Variants in IGFBPL1 observed in about 807,000 individuals in gnomAD.
IGFBPL1 encodes insulin-like growth factor-binding protein-like 1.
In IGFBPL1, 20 loss-of-function variants were observed where a neutral mutation model predicts 23.9. The ratio of observed to expected loss-of-function variants is 0.84; its 90% CI spans 0.59 to 1.22. The LOEUF (loss-of-function observed/expected upper bound fraction) is 1.22. IGFBPL1 is among the 50% of genes most tolerant of loss of function. IGFBPL1 has a pLI of 0.00. For synonymous variants in IGFBPL1, 184 were observed against 171.8 expected (o/e 1.07, Z -0.56); for missense variants, 436 against 379.3 (o/e 1.15, Z -1.24).
At chr9:38,422,257 C>T (rs924178020) in intron 1 of IGFBPL1, among the ~76,000 whole-genome samples, 1 of 152,220 alleles carries the variant, frequency 6.6e-6, no homozygotes, top group African/African-American at 2.4e-5. Flanking sequence ...CAGTCTCTTT[C>T]TCTGTATAAC....
At chr9:38,419,131 A>G (rs1821638572) in intron 1 of IGFBPL1, among the ~76,000 whole-genome samples, 1 of 152,092 alleles carries the variant, frequency 6.6e-6, no homozygotes, top group African/African-American at 2.4e-5. Flanking sequence ...GATGGCTGGA[A>G]TGAAAAAATC....
chr9:38,414,644 T>C (rs573222846), intron 1 of IGFBPL1, among the ~76,000 whole-genome samples: 2 of 152,090 alleles, frequency 1.3e-5, no homozygotes, highest in African/African-American at 2.4e-5. Context: ...TGGAGGGTGT[T>C]AGGAAGAAGA....
chr9:38,412,441 A>C (rs1441151344), intron 3 of IGFBPL1, among the ~76,000 whole-genome samples: 1 of 152,150 alleles, frequency 6.6e-6, no homozygotes, highest in African/African-American at 2.4e-5. Flanking sequence ...TCCTCATTCC[A>C]TCACTCTTTC....
chr9:38,420,698 G>A (rs999878564), intron 1 of IGFBPL1, among the ~76,000 whole-genome samples: 9 of 152,134 alleles, frequency 5.9e-5, no homozygotes, highest in East Asian at 1.9e-4. Flanking sequence ...TTAGCCAGGC[G>A]TGGTGGTGGG....
intron 4 of IGFBPL1, among the ~76,000 whole-genome samples, chr9:38,409,936 C>T (rs1195365641): frequency 6.6e-6 from 1 of 152,120 alleles, no homozygotes; most frequent in Non-Finnish European, 1.5e-5. Context: ...TCCCTTACAT[C>T]GCACTCCTTG....
chr9:38,409,182 C>G lies in IGFBPL1; in HGVS notation c.*45G>C, dbSNP rs923307351. The stretch of plus-strand genomic sequence containing the variant: ...TGAAGCACAAAGATCCGTTATTTGA[C>G]TTTTCCATCATCCCATGATCAATGT... On this transcript the variant is annotated 3_prime_UTR_variant, in exon 5 of 5. Transcript: ENST00000377694. The G allele has an allele frequency of 1.3e-4, 20 of 152,196 alleles. No individual in the cohort carries two copies. Among genetic ancestry groups the G allele is most frequent in the African/African-American group, 4.6e-4 (19 of 41,456 alleles). 9.4% of individuals were successfully genotyped at this position (152,196 alleles called of 1,614,324 possible).
At chr9:38,413,440 T>C (rs771853553) in intron 2 of IGFBPL1, 87 bp from the exon 3 acceptor site, 12 of 792,900 alleles carry the variant, frequency 1.5e-5, no homozygotes, top group Non-Finnish European at 2.6e-5. Context: ...CCCTCCTCCT[T>C]CCTCCTCCTC....
At chr9:38,421,879 G>T (rs538110291) in intron 1 of IGFBPL1, among the ~76,000 whole-genome samples, 1 of 152,294 alleles carries the variant, frequency 6.6e-6, no homozygotes, top group African/African-American at 2.4e-5. Context: ...GCGGAAGAAG[G>T]GCTGAACCCC....
intron 4 of IGFBPL1, 52 bp downstream of exon 4, chr9:38,411,339 A>C: frequency 6.7e-7 from 1 of 1,498,420 alleles, no homozygotes; most frequent in Non-Finnish European, 9.1e-7. Flanking sequence ...AAGCCACCTC[A>C]AATATCTCAT....
chr9:38,422,686 A>C (rs961300026), intron 1 of IGFBPL1, among the ~76,000 whole-genome samples: 2 of 152,092 alleles, frequency 1.3e-5, no homozygotes, highest in Non-Finnish European at 2.9e-5. Flanking sequence ...CTCCATGGGG[A>C]GCTTCAGCTA....
intron 4 of IGFBPL1, among the ~76,000 whole-genome samples, chr9:38,410,343 T>C (rs943511370): frequency 2.6e-5 from 4 of 151,648 alleles, no homozygotes; most frequent in Admixed American, 6.6e-5. Flanking sequence ...ATTAGCCAGG[T>C]GTGGTGGCGG....
rs975115074 is a variant in IGFBPL1 at position 38,413,318 on chromosome 9, C to T, written c.606G>A (p.Glu202=). 6.2e-7 allele frequency: 1 copy of T among 1,613,798 alleles called. No homozygotes were observed. Among genetic ancestry groups the T allele is most frequent in the African/African-American group, 1.3e-5 (1 of 74,924 alleles). Residue 202 remains glutamate, a synonymous_variant, in exon 3 of 5, where the codon GAG becomes GAA. Transcript: ENST00000377694. Reference sequence around the variant, plus strand: ...TATTGACATGGTCCCCAGGCAGCTCCTCCAGTGCTTGGGTGCCCTCAGGGG... The same window carrying T: ...TATTGACATGGTCCCCAGGCAGCTCTTCCAGTGCTTGGGTGCCCTCAGGGG... ...TKSPEGTQAL[E]ELPGDHVNIA...
At chr9:38,421,129 C>CA (rs1260713658) in intron 1 of IGFBPL1, among the ~76,000 whole-genome samples, 2 of 151,322 alleles carry the variant, frequency 1.3e-5, no homozygotes, top group South Asian at 2.1e-4. Context: ...CCTGTCTCTA[C>CA]AAAAAATTCT....
chr9:38,410,335 T>G (rs1821494401), intron 4 of IGFBPL1, among the ~76,000 whole-genome samples: 1 of 151,904 alleles, frequency 6.6e-6, no homozygotes, highest in Admixed American at 6.6e-5. Flanking sequence ...ACAAAAAAAT[T>G]AGCCAGGTGT....
chr9:38,418,040 G>A (rs1821624745), intron 1 of IGFBPL1, among the ~76,000 whole-genome samples: 1 of 152,220 alleles, frequency 6.6e-6, no homozygotes, highest in East Asian at 1.9e-4. Context: ...TCGCAGGCCT[G>A]CCGTGTTAGC....
intron 3 of IGFBPL1, among the ~76,000 whole-genome samples, chr9:38,412,009 A>G (rs1821520024): frequency 6.6e-6 from 1 of 152,082 alleles, no homozygotes; most frequent in Admixed American, 6.5e-5. Flanking sequence ...ATTTGAAAAA[A>G]CCGCACAGCC....
At chr9:38,416,174 C>T (rs930687336) in intron 1 of IGFBPL1, among the ~76,000 whole-genome samples, 1 of 152,214 alleles carries the variant, frequency 6.6e-6, no homozygotes, top group Non-Finnish European at 1.5e-5. Context: ...TCCAGTGGCT[C>T]GCTGTGGTGA....
At chr9:38,412,868 C>T (rs1821532806) in intron 3 of IGFBPL1, among the ~76,000 whole-genome samples, 1 of 152,226 alleles carries the variant, frequency 6.6e-6, no homozygotes, top group African/African-American at 2.4e-5. Flanking sequence ...CTGTTTCCCT[C>T]TTCCACACTT....
At chr9:38,411,047 C>T (rs960806820) in intron 4 of IGFBPL1, among the ~76,000 whole-genome samples, 6 of 151,962 alleles carry the variant, frequency 3.9e-5, no homozygotes, top group East Asian at 1.9e-4. Flanking sequence ...TTCACATGGA[C>T]GCTGTCACAA....
Sources: gnomAD v4.1 joint callset for allele counts (sites outside exome capture counted in the v4.1 genomes callset) on GRCh38, gnomAD v4.1.1 for gene constraint, MANE v1.5 for transcripts, NCBI Gene and HGNC (gene_info 2026-07-23, HGNC 2026-07-21) for gene names.